Variants in PLA2G4A observed in about 807,000 individuals in gnomAD.
PLA2G4A encodes cytosolic phospholipase A2.
PLA2G4A carries 40 observed loss-of-function variants against 81.9 expected under a neutral mutation model. The ratio of observed to expected loss-of-function variants is 0.49; its 90% CI spans 0.38 to 0.64. The LOEUF is 0.64. PLA2G4A is among the 30% of genes least tolerant of loss of function. PLA2G4A has a pLI of 0.00. For synonymous variants in PLA2G4A, 302 were observed against 296.9 expected (o/e 1.02, Z -0.18); for missense variants, 715 against 905.1 (o/e 0.79, Z 2.69).
At chr1:186,861,027 T>C (rs1484762117) in intron 2 of PLA2G4A, among the ~76,000 whole-genome samples, 3 of 152,238 alleles carry the variant, frequency 2.0e-5, no homozygotes, top group Non-Finnish European at 4.4e-5. Flanking sequence ...TGACTCGTTA[T>C]ATTCCCAGTT....
At chr1:186,882,891 A>G (rs895993309) in intron 3 of PLA2G4A, among the ~76,000 whole-genome samples, 5 of 152,138 alleles carry the variant, frequency 3.3e-5, no homozygotes, top group Non-Finnish European at 5.9e-5. Context: ...TGAATCGTGA[A>G]GAAAAGACAA....
At chr1:186,960,543 G>C (rs2102266600) in intron 14 of PLA2G4A, among the ~76,000 whole-genome samples, 1 of 152,198 alleles carries the variant, frequency 6.6e-6, no homozygotes, top group African/African-American at 2.4e-5. Flanking sequence ...CAGTAAATTG[G>C]GTTTAAGTTC....
chr1:186,982,750 G>T (rs1657764635), intron 17 of PLA2G4A, among the ~76,000 whole-genome samples: 1 of 150,962 alleles, frequency 6.6e-6, no homozygotes, highest in African/African-American at 2.4e-5. Context: ...ATTTTATCTT[G>T]CCTTAGTGAC....
rs1199363453 is a variant in PLA2G4A, at chr1:186,979,905, G to A, written c.2118+433G>A. Among the ~76,000 whole-genome samples, 10 of 146,110 alleles carry A rather than the reference G, an allele frequency of 6.8e-5. No individual in the cohort carries two copies. The South Asian group carries it at 2.0e-3, about 29-fold the overall frequency. On this transcript the variant is annotated intron_variant, in intron 17 of 17. Coordinates refer to ENST00000367466, the MANE Select transcript of PLA2G4A (RefSeq NM_024420.3). ...ATGATTTTACATATTTTCTTTTTGT[G>A]AATTTGAGAGCAGCATCACAAAACG...
intron 2 of PLA2G4A, among the ~76,000 whole-genome samples, chr1:186,858,911 G>T (rs1476635348): frequency 6.7e-6 from 1 of 149,740 alleles, no homozygotes; most frequent in Non-Finnish European, 1.5e-5. Context: ...CCAACTGTGG[G>T]TGTGTGCGTG....
intron 2 of PLA2G4A, among the ~76,000 whole-genome samples, chr1:186,867,069 T>G (rs1363986760): frequency 1.3e-5 from 2 of 152,188 alleles, no homozygotes; most frequent in Non-Finnish European, 2.9e-5. Flanking sequence ...TGTTTGTATT[T>G]TTTTTATTGC....
intron 3 of PLA2G4A, among the ~76,000 whole-genome samples, chr1:186,879,298 T>C (rs1219621122): frequency 6.6e-6 from 1 of 152,010 alleles, no homozygotes; most frequent in East Asian, 1.9e-4. Context: ...AACTTCGAAA[T>C]GAAATATTAA....
intron 15 of PLA2G4A, among the ~76,000 whole-genome samples, chr1:186,976,138 C>T (rs1489885841): frequency 1.3e-5 from 2 of 152,184 alleles, no homozygotes; most frequent in African/African-American, 4.8e-5. Context: ...TCTCGCCCAA[C>T]AGGCTATAAA....
chr1:186,900,328 C>G (rs760329262), intron 5 of PLA2G4A, among the ~76,000 whole-genome samples: 6 of 152,020 alleles, frequency 3.9e-5, no homozygotes, highest in Non-Finnish European at 8.8e-5. Flanking sequence ...TAGGTTAATG[C>G]GTAAAACATA....
At chr1:186,968,400 A>ATGTGTGTG (rs58475951) in intron 15 of PLA2G4A, among the ~76,000 whole-genome samples, 9,999 of 137,280 alleles carry the variant, frequency 0.073, 514 homozygotes, top group African/African-American at 0.082. Flanking sequence ...CGCGGTGTGT[A>ATGTGTGTG]TGTGTGTGTG....
At chr1:186,963,886 C>T (rs972873690) in intron 14 of PLA2G4A, among the ~76,000 whole-genome samples, 4 of 152,158 alleles carry the variant, frequency 2.6e-5, no homozygotes, top group Admixed American at 2.6e-4. Context: ...GGTGTTTTTA[C>T]TTCAACTTTT....
At chr1:186,974,771 C>T (rs935537612) in intron 15 of PLA2G4A, among the ~76,000 whole-genome samples, 29 of 152,192 alleles carry the variant, frequency 1.9e-4, no homozygotes, top group African/African-American at 6.5e-4. Flanking sequence ...GCACTTTACT[C>T]ATAGTCTGTG....
chr1:186,988,445 C>G lies in PLA2G4A; in HGVS notation c.2187C>G (p.Ser729=). 6.2e-7 allele frequency: 1 copy of G among 1,611,432 alleles called. No individual in the cohort carries two copies. The highest frequency in any genetic ancestry group is 1.1e-5 in the South Asian group (1 of 91,014). ...AGAATCCATCTCGTTGCTCTGTTTC[C>G]CTTAGTAATGTTGAGGCAAGAAGAT... is the stretch of plus-strand genomic sequence containing the variant. ...RRQNPSRCSV[S]LSNVEARRFF... is the part of the protein sequence containing the mutation. Residue 729 remains serine, a synonymous_variant, in exon 18 of 18, where the codon TCC becomes TCG. Transcript: ENST00000367466.
chr1:186,922,650 G>T (rs1051145820), intron 7 of PLA2G4A, among the ~76,000 whole-genome samples: 4 of 152,164 alleles, frequency 2.6e-5, no homozygotes, highest in Non-Finnish European at 5.9e-5. Flanking sequence ...TAATCACCTT[G>T]CTTCCCAGTC....
intron 3 of PLA2G4A, among the ~76,000 whole-genome samples, chr1:186,880,342 C>T (rs1343378893): frequency 2.6e-5 from 4 of 151,948 alleles, no homozygotes; most frequent in African/African-American, 4.8e-5. Context: ...GTGAGATTGA[C>T]ATAATCTGTC....
chr1:186,884,908 A>G lies in PLA2G4A; in HGVS notation c.116-8103A>G, dbSNP rs915423155. Among the ~76,000 whole-genome samples the G allele has an allele frequency of 1.1e-4, 16 of 140,560 alleles. 2 individuals are homozygous for G. Among genetic ancestry groups the G allele is most frequent in the Admixed American group, 7.2e-4 (10 of 13,904 alleles). The allele number at this position is 140,560 out of a possible 152,430, so 92.2% of individuals were successfully genotyped here. A position where few individuals can be genotyped will look rare whatever the true frequency, so the allele number is the denominator to read the frequency against. On this transcript the variant is annotated intron_variant, in intron 3 of 17. Coordinates refer to ENST00000367466, the MANE Select transcript of PLA2G4A (RefSeq NM_024420.3). Reference sequence around the variant, plus strand: ...TCCTGTCTTCAAAAAAAAAAAAAAAAGAAGGAATAAGCTCATATTCTGCAA... The same window carrying G: ...TCCTGTCTTCAAAAAAAAAAAAAAAGGAAGGAATAAGCTCATATTCTGCAA...
intron 1 of PLA2G4A, among the ~76,000 whole-genome samples, chr1:186,847,727 ACTGCTGTGAGTACAGCCCCT>A (rs1305619242): frequency 6.6e-6 from 1 of 152,098 alleles, no homozygotes; most frequent in African/African-American, 2.4e-5. Context: ...TTTGGAGAGC[ACTGCTGTGAGTACAGCCCCT>A]CTTCCCTTGG....
chr1:186,897,470 A>G (rs1472432218), intron 5 of PLA2G4A, among the ~76,000 whole-genome samples: 1 of 152,100 alleles, frequency 6.6e-6, no homozygotes, highest in African/African-American at 2.4e-5. Context: ...TGACCTAGAA[A>G]GAATACTTCT....
chr1:186,865,359 T>C (rs1652987580), intron 2 of PLA2G4A, among the ~76,000 whole-genome samples: 1 of 152,126 alleles, frequency 6.6e-6, no homozygotes, highest in Admixed American at 6.6e-5. Flanking sequence ...ATAATGCTGA[T>C]CATTCTTTAA....
Sources: allele counts gnomAD v4.1 joint callset (sites outside exome capture counted in the v4.1 genomes callset), GRCh38; gene constraint gnomAD v4.1.1; transcripts MANE v1.5; gene names NCBI Gene and HGNC (gene_info 2026-07-23, HGNC 2026-07-21).